Variants in CDH11 observed in about 807,000 individuals in gnomAD.
CDH11 encodes cadherin-11.
In CDH11, 11 loss-of-function variants were observed where a neutral mutation model predicts 67.8. That is an observed-to-expected ratio of 0.16 (90% confidence interval 0.10 to 0.27). The LOEUF is 0.27. CDH11 is among the 10% of genes least tolerant of loss of function. The pLI is 1.00. For synonymous variants in CDH11, 419 were observed against 400.0 expected, an observed-to-expected ratio of 1.05 and a Z score of -0.57; for missense variants, 847 against 1,031.2, an observed-to-expected ratio of 0.82 and a Z score of 2.45.
chr16:65,070,062 G>A (rs1030484033), intron 1 of CDH11, among the ~76,000 whole-genome samples: 1 of 152,158 alleles, frequency 6.6e-6, no homozygotes, highest in African/African-American at 2.4e-5. Context: ...GATCAGAGCT[G>A]CTGAGTATAA....
intron 2 of CDH11, among the ~76,000 whole-genome samples, chr16:65,022,047 C>G (rs11647738): frequency 6.6e-6 from 1 of 152,016 alleles, no homozygotes; most frequent in Admixed American, 6.6e-5. Flanking sequence ...CAAACTTTTA[C>G]TCACTAAGCT....
At chr16:64,975,447 G>T (rs558921899) in intron 8 of CDH11, among the ~76,000 whole-genome samples, 3 of 152,264 alleles carry the variant, frequency 2.0e-5, no homozygotes, top group Admixed American at 2.0e-4. Flanking sequence ...TTAAGGATTT[G>T]ATTTTGTTTT....
chr16:65,038,910 G>A (rs1314901349), intron 2 of CDH11, among the ~76,000 whole-genome samples: 2 of 152,192 alleles, frequency 1.3e-5, no homozygotes, highest in Non-Finnish European at 2.9e-5. Flanking sequence ...TGAGAGAAAA[G>A]AAGTGAGGAC....
At chr16:64,963,301 A>G (rs997452966) in intron 11 of CDH11, among the ~76,000 whole-genome samples, 1 of 152,182 alleles carries the variant, frequency 6.6e-6, no homozygotes. Context: ...AAACATCAAC[A>G]GAAATAGAGA....
chr16:64,964,220 A>T (rs2071749673), intron 11 of CDH11, among the ~76,000 whole-genome samples: 1 of 152,198 alleles, frequency 6.6e-6, no homozygotes, highest in Non-Finnish European at 1.5e-5. Flanking sequence ...CCTCCTGTAA[A>T]CGTAGTGTAT....
intron 11 of CDH11, among the ~76,000 whole-genome samples, chr16:64,951,408 C>T (rs987509399): frequency 6.6e-6 from 1 of 152,136 alleles, no homozygotes; most frequent in Admixed American, 6.5e-5. Context: ...CATGACCCAG[C>T]GCACTTCTGC....
At chr16:64,981,211 T>C (rs984451092) in intron 8 of CDH11, 17 of 150,680 alleles carry the variant, frequency 1.1e-4, no homozygotes, top group African/African-American at 2.7e-4. Context: ...GTTCAAGCGA[T>C]TGTCCTGCCT....
chr16:65,092,832 TAATA>T (rs1284926802), intron 1 of CDH11, among the ~76,000 whole-genome samples: 2 of 149,152 alleles, frequency 1.3e-5, no homozygotes, highest in East Asian at 3.9e-4. Flanking sequence ...GAAAAATAAA[TAATA>T]AATAAAAAGA....
Position 65,121,971 on chromosome 16 carries a change from C to T in CDH11, c.-389G>A, listed in dbSNP as rs1455760705. The stretch of plus-strand genomic sequence containing the variant: ...TGTCAGTCCCGGCCCCAGTCCCGGT[C>T]CCATTCACAAGTCAGCGGCGGCTGC... On this transcript the variant is annotated 5_prime_UTR_variant, in exon 1 of 13. Coordinates refer to ENST00000268603, the MANE Select transcript of CDH11 (RefSeq NM_001797.4). This position sits in a 1 kb window ranked among gnomAD's most constrained non-coding sequence, Gnocchi z 4.1. 7 of 701,534 alleles carry T rather than the reference C, an allele frequency of 1.0e-5. No homozygotes were observed. The highest frequency in any genetic ancestry group is 1.8e-5 in the Non-Finnish European group (7 of 384,486). 43.5% of individuals were successfully genotyped at this position (701,534 alleles called of 1,614,324 possible).
intron 2 of CDH11, among the ~76,000 whole-genome samples, chr16:65,041,429 T>A (rs2073866732): frequency 6.6e-6 from 1 of 152,202 alleles, no homozygotes; most frequent in African/African-American, 2.4e-5. Flanking sequence ...TAATTTTTCA[T>A]CTTAATGAAC....
At chr16:64,961,116 A>G (rs1391623433) in intron 11 of CDH11, among the ~76,000 whole-genome samples, 2 of 152,240 alleles carry the variant, frequency 1.3e-5, no homozygotes, top group East Asian at 3.9e-4. Context: ...TCATGATTAC[A>G]GAAGGATGGA....
Position 65,067,481 on chromosome 16 carries a change from C to G in CDH11, c.-297-13553G>C, listed in dbSNP as rs2074332447. 2.0e-5 allele frequency among the ~76,000 whole-genome samples: 3 copies of G among 152,204 alleles called. No individual in the cohort carries two copies. In the South Asian group the frequency reaches 6.2e-4, roughly 31 times the overall value. On this transcript the variant is annotated intron_variant, in intron 1 of 12. Coordinates refer to ENST00000268603, the MANE Select transcript of CDH11 (RefSeq NM_001797.4). ...CCCACCATTCTCTCAAGAATTTTCT[C>G]TTCTTTGTTGCTCATTCATTCATTC...
chr16:65,002,850 C>T (rs2142523010), intron 3 of CDH11, among the ~76,000 whole-genome samples: 1 of 152,114 alleles, frequency 6.6e-6, no homozygotes, highest in East Asian at 1.9e-4. Context: ...CCTTTGACAT[C>T]CCTCCCAAAT....
At chr16:65,047,825 C>A (rs1039551559) in intron 2 of CDH11, among the ~76,000 whole-genome samples, 1 of 152,228 alleles carries the variant, frequency 6.6e-6, no homozygotes, top group African/African-American at 2.4e-5. Context: ...AAATCCTTCC[C>A]GGTTTCTCCT....
intron 6 of CDH11, 84 bp from the exon 7 acceptor site, chr16:64,988,428 T>TC: frequency 8.0e-7 from 1 of 1,257,832 alleles, no homozygotes; most frequent in Non-Finnish European, 1.1e-6. Context: ...CCAATAAATT[T>TC]CTCAAAGGAT....
rs868575813 is a variant in CDH11, at chr16:64,947,798, G to A, written c.2196C>T (p.Pro732=). 1 of 1,614,150 alleles carries A rather than the reference G, an allele frequency of 6.2e-7. No homozygotes were observed. Among genetic ancestry groups the A allele is most frequent in the Middle Eastern group, 1.6e-4 (1 of 6,062 alleles). The change falls in exon 13 of 13, where the codon CCC becomes CCT. Residue 732 remains proline, a synonymous_variant. Transcript: ENST00000268603. ...NTRIQEADND[P]TAPPYDSIQI... ...GAATGGAGTCATAAGGAGGAGCCGT[G>A]GGGTCATTGTCTGCCTCCTGTATTC...
At chr16:65,056,888 C>T (rs554651030) in intron 1 of CDH11, among the ~76,000 whole-genome samples, 1 of 152,214 alleles carries the variant, frequency 6.6e-6, no homozygotes, top group African/African-American at 2.4e-5. Flanking sequence ...TATAGAAATC[C>T]TTTCACCAAA....
At chr16:64,984,050 G>C (rs1460021011) in intron 7 of CDH11, among the ~76,000 whole-genome samples, 1 of 152,146 alleles carries the variant, frequency 6.6e-6, no homozygotes, top group African/African-American at 2.4e-5. Context: ...CCCAAGCTAG[G>C]CTCTCCAGGC....
chr16:65,014,826 C>T (rs35177), intron 2 of CDH11, among the ~76,000 whole-genome samples: 40,371 of 151,614 alleles, frequency 0.27, 6,063 homozygotes, highest in Middle Eastern at 0.36. Context: ...GGAGAAGAGG[C>T]TGTTTGAGGA....
Sources: gnomAD v4.1 joint callset for allele counts (sites outside exome capture counted in the v4.1 genomes callset) on GRCh38, gnomAD v4.1.1 for gene constraint, Gnocchi (gnomAD v3.1) non-coding constraint, MANE v1.5 for transcripts, NCBI Gene and HGNC (gene_info 2026-07-23, HGNC 2026-07-21) for gene names.